ST18: variants seen among roughly 807,000 people sequenced by gnomAD.
The protein encoded by ST18 is ST18 C2H2C-type zinc finger transcription factor.
ST18 carries 50 observed loss-of-function variants against 110.0 expected under a neutral mutation model. That is an observed-to-expected ratio of 0.45 (90% confidence interval 0.36 to 0.58). ST18 has a LOEUF of 0.58. Among genes scored for constraint, ST18 ranks in the 20% least tolerant of loss-of-function variants. ST18 has a pLI of 0.00. For missense variants in ST18, 1,306 were observed against 1,280.1 expected, an observed-to-expected ratio of 1.02 and a Z score of -0.31; for synonymous variants, 461 against 452.4, an observed-to-expected ratio of 1.02 and a Z score of -0.24.
At chr8:52,401,284 T>A (rs1043516509) in intron 2 of ST18, among the ~76,000 whole-genome samples, 4 of 152,218 alleles carry the variant, frequency 2.6e-5, no homozygotes, top group African/African-American at 9.6e-5. Context: ...GACATTTTTA[T>A]TGTAATATGA....
chr8:52,258,185 T>C (rs181928966), intron 2 of ST18, among the ~76,000 whole-genome samples: 1 of 152,322 alleles, frequency 6.6e-6, no homozygotes, highest in Admixed American at 6.5e-5. Flanking sequence ...TGTAGTTTTG[T>C]AGTGAGTTTT....
chr8:52,278,692 A>C (rs1356184865), intron 2 of ST18, among the ~76,000 whole-genome samples: 5 of 152,230 alleles, frequency 3.3e-5, no homozygotes, highest in Non-Finnish European at 7.3e-5. Context: ...AACTGAAAGA[A>C]AACTGTCATG....
intron 8 of ST18, among the ~76,000 whole-genome samples, chr8:52,189,153 C>T (rs1048345971): frequency 6.6e-6 from 1 of 152,162 alleles, no homozygotes; most frequent in Admixed American, 6.5e-5. Context: ...TAACCAACAT[C>T]ATCACACCAC....
chr8:52,332,209 T>C (rs1809833575), intron 2 of ST18, among the ~76,000 whole-genome samples: 1 of 152,148 alleles, frequency 6.6e-6, no homozygotes, highest in African/African-American at 2.4e-5. Flanking sequence ...CAAATTACTA[T>C]TTTGGATAAA....
chr8:52,120,762 T>C (rs528462412), intron 23 of ST18, among the ~76,000 whole-genome samples: 2 of 151,950 alleles, frequency 1.3e-5, no homozygotes, highest in Non-Finnish European at 2.9e-5. Flanking sequence ...GAGTAGCGGA[T>C]AGATTGGAGA....
intron 2 of ST18, among the ~76,000 whole-genome samples, chr8:52,308,086 C>G (rs1188761793): frequency 2.0e-5 from 3 of 152,196 alleles, no homozygotes; most frequent in Non-Finnish European, 4.4e-5. Context: ...GTCACGGGAG[C>G]TCTGCCAGGA....
chr8:52,178,561 G>A (rs1324704950), intron 9 of ST18, among the ~76,000 whole-genome samples: 1 of 129,782 alleles, frequency 7.7e-6, no homozygotes, highest in Non-Finnish European at 1.6e-5. Context: ...AGGTTGCAGT[G>A]AGCTGAGATC....
chr8:52,166,594 G>T (rs898807021), intron 11 of ST18, among the ~76,000 whole-genome samples: 3 of 152,182 alleles, frequency 2.0e-5, no homozygotes, highest in Non-Finnish European at 2.9e-5. Flanking sequence ...CTGTGCTGTG[G>T]CCTGGCCCTT....
In ST18 at chr8:52,112,955, T is replaced by A; in HGVS notation, c.*243A>T. On this transcript the variant is annotated 3_prime_UTR_variant, in exon 26 of 26. Coordinates refer to ENST00000689386, the MANE Select transcript of ST18 (RefSeq NM_001352837.2). ...AAAAAAAAAGAGTACAATGAAGAAATAAAAGAAAAACATATGAAAATAAAT... is the reference window on the plus strand; with the variant it reads ...AAAAAAAAAGAGTACAATGAAGAAAAAAAAGAAAAACATATGAAAATAAAT... 1 of 331,844 alleles carries A rather than the reference T, an allele frequency of 3.0e-6. No homozygotes were observed. 20.6% of individuals were successfully genotyped at this position (331,844 alleles called of 1,614,324 possible).
At chr8:52,278,402 G>A (rs2095314459) in intron 2 of ST18, among the ~76,000 whole-genome samples, 1 of 152,212 alleles carries the variant, frequency 6.6e-6, no homozygotes, top group Non-Finnish European at 1.5e-5. Flanking sequence ...ACATATACAT[G>A]TGAGGAAGAA....
rs537164862 is a variant in ST18, at chr8:52,387,458, A to T, written c.-465+21870T>A. On this transcript the variant is annotated intron_variant, in intron 2 of 25. Transcript: ENST00000689386. ...TCAAAATCATCATTGTCAATAGCCA[A>T]GGCAATGTGAGATCATACTTCTCTT... Among the ~76,000 whole-genome samples the T allele has an allele frequency of 3.3e-5, 5 of 152,216 alleles. No homozygotes were observed. In the South Asian group the frequency reaches 1.0e-3, roughly 32 times the overall value.
chr8:52,207,700 A>C (rs2080585359), intron 8 of ST18, among the ~76,000 whole-genome samples: 1 of 152,226 alleles, frequency 6.6e-6, no homozygotes. Context: ...CAGCAAAAAG[A>C]CTATGAACGG....
At chr8:52,395,712 G>A (rs746866569) in intron 2 of ST18, among the ~76,000 whole-genome samples, 1 of 152,150 alleles carries the variant, frequency 6.6e-6, no homozygotes, top group Non-Finnish European at 1.5e-5. Context: ...TATCCTGCCT[G>A]GCCACTGGCC....
intron 9 of ST18, among the ~76,000 whole-genome samples, chr8:52,176,134 G>GC (rs1411398712): frequency 6.6e-6 from 1 of 151,788 alleles, no homozygotes; most frequent in Non-Finnish European, 1.5e-5. Flanking sequence ...TGATTCTCTT[G>GC]CCTCAGCATC....
chr8:52,187,359 T>C (rs1032471220), intron 8 of ST18, among the ~76,000 whole-genome samples: 5 of 152,226 alleles, frequency 3.3e-5, no homozygotes, highest in Non-Finnish European at 7.4e-5. Context: ...CAGCCATTAA[T>C]GAAAGAGTCC....
intron 2 of ST18, among the ~76,000 whole-genome samples, chr8:52,327,964 G>T (rs896359779): frequency 2.6e-5 from 4 of 152,188 alleles, no homozygotes; most frequent in African/African-American, 9.7e-5. Flanking sequence ...TGTCTTTATA[G>T]CTGAGATGGC....
Position 52,328,886 on chromosome 8 carries a change from C to T in ST18, c.-465+80442G>A, listed in dbSNP as rs1346674122. On this transcript the variant is annotated intron_variant, in intron 2 of 25. Coordinates refer to ENST00000689386, the MANE Select transcript of ST18 (RefSeq NM_001352837.2). Reference sequence around the variant, plus strand: ...TGTCTGCTGGGGGAGGGATGTACCACATCTATTGGGGGTGCTGGCTCTCCC... The same window carrying T: ...TGTCTGCTGGGGGAGGGATGTACCATATCTATTGGGGGTGCTGGCTCTCCC... 2.0e-5 allele frequency among the ~76,000 whole-genome samples: 3 copies of T among 152,222 alleles called. No individual in the cohort carries two copies. In the East Asian group the frequency reaches 5.8e-4, roughly 29 times the overall value.
In ST18 at chr8:52,282,050, T is replaced by TA. The variant is rs1161547195; in HGVS notation, c.-464-51974dup. ...CCCCATAAACCTATTGAAATAAAAG[T>TA]AAAATTAAAAAGCTAAGCTCTCTGG... On this transcript the variant is annotated intron_variant, in intron 2 of 25. Transcript: ENST00000689386. 2.6e-5 allele frequency among the ~76,000 whole-genome samples: 4 copies of TA among 152,180 alleles called. 1 individual carries two copies. The South Asian group carries it at 8.3e-4, about 32-fold the overall frequency.
At chr8:52,160,058 T>C (rs184693745) in intron 14 of ST18, among the ~76,000 whole-genome samples, 411 of 152,282 alleles carry the variant, frequency 2.7e-3, no homozygotes, top group African/African-American at 9.5e-3. Context: ...AATATGAAAA[T>C]GTCACTGAAT....
Sources: allele counts gnomAD v4.1 joint callset (sites outside exome capture counted in the v4.1 genomes callset), GRCh38; gene constraint gnomAD v4.1.1; transcripts MANE v1.5; gene names NCBI Gene and HGNC (gene_info 2026-07-23, HGNC 2026-07-21).